Variants in AGBL4 observed in about 807,000 individuals in gnomAD.
AGBL4 encodes the protein AGBL carboxypeptidase 4, also known as cytosolic carboxypeptidase 6.
In AGBL4, 58 loss-of-function variants were observed where a neutral mutation model predicts 66.4. The ratio of observed to expected loss-of-function variants is 0.87; its 90% CI spans 0.71 to 1.09. The LOEUF is 1.09. Ranked by LOEUF, AGBL4 falls within the 50% of genes least tolerant of loss-of-function variation. AGBL4 has a pLI of 0.00. For missense variants in AGBL4, 579 were observed against 631.0 expected, an observed-to-expected ratio of 0.92 and a Z score of 0.88; for synonymous variants, 234 against 222.9, an observed-to-expected ratio of 1.05 and a Z score of -0.44.
At chr1:49,941,947 T>C (rs531907091) in intron 1 of AGBL4, among the ~76,000 whole-genome samples, 1 of 152,054 alleles carries the variant, frequency 6.6e-6, no homozygotes, top group Non-Finnish European at 1.5e-5. Flanking sequence ...AATTATATGA[T>C]CTTTTACATA....
intron 4 of AGBL4, among the ~76,000 whole-genome samples, chr1:49,222,403 A>G (rs1310098377): frequency 6.6e-6 from 1 of 152,202 alleles, no homozygotes; most frequent in African/African-American, 2.4e-5. Flanking sequence ...CTTGGCCACA[A>G]ATTTCCTGAA....
At chr1:48,786,304 C>T (rs1645405857) in intron 6 of AGBL4, among the ~76,000 whole-genome samples, 1 of 152,162 alleles carries the variant, frequency 6.6e-6, no homozygotes, top group Non-Finnish European at 1.5e-5. Context: ...ATTAATATCT[C>T]CATTTTTCTG....
In AGBL4 at chr1:49,052,340, C is replaced by T. The variant is rs180968779; in HGVS notation, c.378-6540G>A. Among the ~76,000 whole-genome samples the T allele has an allele frequency of 3.5e-4, 53 of 152,234 alleles. 1 individual carries two copies. The East Asian group carries it at 8.9e-3, about 26-fold the overall frequency. Reference sequence around the variant, plus strand: ...GACAGGCACCCCATGCAATGAGAGGCTATAAATCACATACTCTATCTTCTC... The same window carrying T: ...GACAGGCACCCCATGCAATGAGAGGTTATAAATCACATACTCTATCTTCTC... On this transcript the variant is annotated intron_variant, in intron 4 of 13. Coordinates refer to ENST00000371839, the MANE Select transcript of AGBL4 (RefSeq NM_032785.4).
chr1:48,753,549 G>A (rs1329645383), intron 6 of AGBL4, among the ~76,000 whole-genome samples: 1 of 152,180 alleles, frequency 6.6e-6, no homozygotes, highest in Non-Finnish European at 1.5e-5. Flanking sequence ...CAGCACACAA[G>A]GCACAAACCC....
rs192861207 is a variant in AGBL4, at chr1:49,159,289, C to G, written c.377+86481G>C. ...ACAAAATCTCTCAGCATTTGCTTGT[C>G]TGTAAAGGATTTTATTTCTCCTTCA... is the stretch of plus-strand genomic sequence containing the variant. On this transcript the variant is annotated intron_variant, in intron 4 of 13. Coordinates refer to ENST00000371839, the MANE Select transcript of AGBL4 (RefSeq NM_032785.4). Among the ~76,000 whole-genome samples the G allele has an allele frequency of 1.9e-3, 293 of 152,192 alleles. 1 individual carries two copies. The highest frequency in any genetic ancestry group is 6.8e-3 in the African/African-American group (283 of 41,540).
chr1:48,609,226 G>A (rs1645199651), intron 9 of AGBL4, among the ~76,000 whole-genome samples: 1 of 152,178 alleles, frequency 6.6e-6, no homozygotes, highest in Middle Eastern at 3.4e-3. Flanking sequence ...ATAAATTTCC[G>A]AAGCACAAAT....
intron 1 of AGBL4, among the ~76,000 whole-genome samples, chr1:49,936,856 G>A (rs910599468): frequency 2.1e-4 from 32 of 152,112 alleles, no homozygotes. Flanking sequence ...ACAAGGAAAG[G>A]AACAACCGGT....
intron 8 of AGBL4, among the ~76,000 whole-genome samples, chr1:48,641,817 TATA>T (rs528233198): frequency 9.7e-4 from 147 of 152,272 alleles, no homozygotes; most frequent in Admixed American, 2.7e-3. Flanking sequence ...TAGCCACCAT[TATA>T]CTCTGTCTTA....
chr1:48,728,146 T>TA, intron 6 of AGBL4: 1 of 1,048,226 alleles, frequency 9.5e-7, no homozygotes, highest in Non-Finnish European at 1.4e-6. Flanking sequence ...ACTTCCCAAA[T>TA]ACCAGCTTAT....
At chr1:49,413,345 C>T (rs1008890654) in intron 3 of AGBL4, among the ~76,000 whole-genome samples, 1 of 152,142 alleles carries the variant, frequency 6.6e-6, no homozygotes, top group African/African-American at 2.4e-5. Flanking sequence ...GACCTCAAGG[C>T]ATTTATGGTC....
intron 5 of AGBL4, among the ~76,000 whole-genome samples, chr1:49,013,885 A>G (rs1052032150): frequency 1.3e-5 from 2 of 152,154 alleles, no homozygotes; most frequent in African/African-American, 4.8e-5. Flanking sequence ...ATGCTTTGAG[A>G]TTTAACTTAA....
intron 5 of AGBL4, among the ~76,000 whole-genome samples, chr1:48,953,188 G>A (rs1486142568): frequency 1.3e-5 from 2 of 152,150 alleles, no homozygotes; most frequent in Non-Finnish European, 2.9e-5. Flanking sequence ...AAGGTCCAGA[G>A]AACCAGGCTT....
At chr1:48,837,703 C>CTATATATATATAT (rs1382300748) in intron 6 of AGBL4, among the ~76,000 whole-genome samples, 4 of 97,974 alleles carry the variant, frequency 4.1e-5, no homozygotes, top group Non-Finnish European at 5.9e-5. Flanking sequence ...CACACGCACA[C>CTATATATATATAT]ACACACACTA....
At chr1:48,551,288 T>C (rs748948690) in intron 11 of AGBL4, among the ~76,000 whole-genome samples, 7 of 152,226 alleles carry the variant, frequency 4.6e-5, no homozygotes, top group Admixed American at 2.0e-4. Context: ...TGTGTGAACC[T>C]GGGCAGGCTA....
intron 3 of AGBL4, among the ~76,000 whole-genome samples, chr1:49,574,168 T>A (rs1411189376): frequency 6.6e-6 from 1 of 152,188 alleles, no homozygotes; most frequent in Non-Finnish European, 1.5e-5. Context: ...TCGAACTGTT[T>A]CGGTTCTCTA....
chr1:48,640,767 C>A (rs906901775), intron 8 of AGBL4, among the ~76,000 whole-genome samples: 2 of 152,182 alleles, frequency 1.3e-5, no homozygotes, highest in African/African-American at 4.8e-5. Context: ...TTTGTCTGAT[C>A]TTCCTATCCT....
chr1:49,788,292 G>C (rs899013840), intron 2 of AGBL4, among the ~76,000 whole-genome samples: 1 of 151,870 alleles, frequency 6.6e-6, no homozygotes, highest in South Asian at 2.1e-4. Flanking sequence ...ATGTCAAGGT[G>C]ATCAGCCAAA....
At chr1:49,736,972 G>C (rs746193546) in intron 2 of AGBL4, among the ~76,000 whole-genome samples, 4 of 151,906 alleles carry the variant, frequency 2.6e-5, no homozygotes, top group Admixed American at 6.6e-5. Flanking sequence ...GATACCATCT[G>C]ACACCAGTCA....
intron 3 of AGBL4, among the ~76,000 whole-genome samples, chr1:49,312,434 C>T (rs774751932): frequency 7.2e-5 from 11 of 151,942 alleles, no homozygotes; most frequent in Non-Finnish European, 1.3e-4. Context: ...CCCAGTCTCA[C>T]GTATTTTGTT....
Sources: gnomAD v4.1 joint callset for allele counts (sites outside exome capture counted in the v4.1 genomes callset) on GRCh38, gnomAD v4.1.1 for gene constraint, MANE v1.5 for transcripts, NCBI Gene and HGNC (gene_info 2026-07-23, HGNC 2026-07-21) for gene names.